The following PER2 variants were observed in gnomAD, a reference collection of about 807,000 sequenced individuals.
PER2 encodes period circadian protein homolog 2.
In PER2, 66 loss-of-function variants were observed where a neutral mutation model predicts 121.0. That is an observed-to-expected ratio of 0.55 (90% confidence interval 0.45 to 0.67). PER2 has a LOEUF of 0.67. Ranked by LOEUF, PER2 falls within the 30% of genes least tolerant of loss-of-function variation. The probability of loss-of-function intolerance (pLI) is 0.00; values close to 1 mark genes in which losing one functional copy is unlikely to be tolerated. For missense variants in PER2, 1,521 were observed against 1,635.0 expected (o/e 0.93, Z 1.20); for synonymous variants, 684 against 659.9 (o/e 1.04, Z -0.56).
Position 238,261,771 on chromosome 2 carries a change from G to GC in PER2, c.1373dup (p.Ser458ArgfsTer50). 1 of 1,576,436 alleles carries GC rather than the reference G, an allele frequency of 6.3e-7. No individual in the cohort carries two copies. Among genetic ancestry groups the GC allele is most frequent in the South Asian group, 1.2e-5 (1 of 86,072 alleles). ...GGATCTGCTCTGTGAGCTCCTGAAT[G>GC]CTGGGGTGCAGGGCCTTCTCCTCTG... On this transcript the variant is annotated frameshift_variant, in exon 12 of 23. Coordinates refer to ENST00000254657, the MANE Select transcript of PER2 (RefSeq NM_022817.3). LOFTEE classifies it high-confidence loss of function.
chr2:238,250,249 T>C (rs1695561434), intron 21 of PER2, among the ~76,000 whole-genome samples: 2 of 152,236 alleles, frequency 1.3e-5, no homozygotes, highest in Admixed American at 6.5e-5. Context: ...CTGGCACCAA[T>C]GCTTTGTGAA....
rs200042261 is a variant in PER2 at position 238,262,127 on chromosome 2, G to C, written c.1307+64C>G. 3,254 of 1,480,294 alleles carry C rather than the reference G, an allele frequency of 2.2e-3. 9 individuals are homozygous for C. Among genetic ancestry groups the C allele is most frequent in the Non-Finnish European group, 2.9e-3 (3,069 of 1,059,866 alleles). The allele number at this position is 1,480,294 out of a possible 1,614,324, so 91.7% of individuals were successfully genotyped here. On this transcript the variant is annotated intron_variant, in intron 11 of 22. Coordinates refer to ENST00000254657, the MANE Select transcript of PER2 (RefSeq NM_022817.3). ...TCCCTATGCCATCTGTTGCTGGGAGGTGAGGACAGCCCGAGACCCCCGCCC... is the reference window on the plus strand; with the variant it reads ...TCCCTATGCCATCTGTTGCTGGGAGCTGAGGACAGCCCGAGACCCCCGCCC...
upstream of PER2, among the ~76,000 whole-genome samples, chr2:238,288,867 C>T (rs1696878839): frequency 1.3e-5 from 2 of 152,220 alleles, no homozygotes. Context: ...GTCTCATCTG[C>T]ATACATGAGG....
rs2106360489 is a variant in PER2 at position 238,246,471 on chromosome 2, C to T, written c.3672G>A (p.Glu1224=). ...KEKGNICIPY[E]EDIPSLGLSE... ...TGAGTCCCAGAGAAGGAATATCTTCCTCATATGGTATGCAAATATTACCTT... is the reference window on the plus strand; with the variant it reads ...TGAGTCCCAGAGAAGGAATATCTTCTTCATATGGTATGCAAATATTACCTT... The change falls in exon 23 of 23, where the codon GAG becomes GAA. Residue 1224 remains glutamate (E), a synonymous_variant. Coordinates refer to ENST00000254657, the MANE Select transcript of PER2 (RefSeq NM_022817.3). The T allele has an allele frequency of 1.9e-6, 3 of 1,594,248 alleles. No individual in the cohort carries two copies. In the South Asian group the frequency reaches 3.3e-5, roughly 18 times the overall value.
At position 238,258,586 on chromosome 2, in the gene PER2, G is replaced by A; in HGVS notation, c.1686C>T (p.Ser562=). The A allele has an allele frequency of 6.2e-7, 1 of 1,614,156 alleles. No individual in the cohort carries two copies. Among genetic ancestry groups the A allele is most frequent in the Non-Finnish European group, 8.5e-7 (1 of 1,179,970 alleles). Reference sequence around the variant, plus strand: ...ACTCCTCGGGGAAGCTGACCCCCAGGCTGTCCTTTTCCATGGCAGGGACAG... The same window carrying A: ...ACTCCTCGGGGAAGCTGACCCCCAGACTGTCCTTTTCCATGGCAGGGACAG... The part of the protein sequence containing the change: ...KKAVPAMEKD[S]LGVSFPEELA... The change falls in exon 15 of 23, where the codon AGC becomes AGT. Residue 562 remains serine (S), a synonymous_variant. Coordinates refer to ENST00000254657, the MANE Select transcript of PER2 (RefSeq NM_022817.3).
intron 18 of PER2, chr2:238,255,434 C>T: frequency 3.2e-6 from 2 of 618,522 alleles, no homozygotes; most frequent in Admixed American, 2.5e-5. Context: ...CGGGCACTAG[C>T]CTGGGACTAT....
chr2:238,268,368 T>A lies in PER2; in HGVS notation c.825-170A>T, dbSNP rs1052570657. On this transcript the variant is annotated intron_variant, in intron 7 of 22. Coordinates refer to ENST00000254657, the MANE Select transcript of PER2 (RefSeq NM_022817.3). This position sits in a 1 kb window ranked among gnomAD's most constrained non-coding sequence, Gnocchi z 4.0. Reference sequence around the variant, plus strand: ...CTCTTCGGTCCCTCCCTCAGTCCCATCATACTGAAGGGCAAATCAGAGTTA... The same window carrying A: ...CTCTTCGGTCCCTCCCTCAGTCCCAACATACTGAAGGGCAAATCAGAGTTA... 1.3e-5 allele frequency among the ~76,000 whole-genome samples: 2 copies of A among 152,098 alleles called. No homozygotes were observed. Among genetic ancestry groups the A allele is most frequent in the Admixed American group, 6.5e-5 (1 of 15,292 alleles).
At position 238,260,089 on chromosome 2, in the gene PER2, T is replaced by C. The variant is rs146454363; in HGVS notation, c.1543-36A>G. The C allele has an allele frequency of 2.8e-3, 2,462 of 893,906 alleles. 3 individuals are homozygous for C. Among genetic ancestry groups the C allele is most frequent in the Middle Eastern group, 0.01 (45 of 4,316 alleles). The allele number at this position is 893,906 out of a possible 1,614,324, so 55.4% of individuals were successfully genotyped here. A position where few individuals can be genotyped will look rare whatever the true frequency, so the allele number is the denominator to read the frequency against. On this transcript the variant is annotated intron_variant, in intron 13 of 22. Transcript: ENST00000254657. ...AACAAAATGAACACATTATTCATTC[T>C]AGGAGACCTCCTTCAGTCTGTCCGG...
chr2:238,257,293 T>C (rs1240549625), intron 16 of PER2, among the ~76,000 whole-genome samples: 1 of 152,216 alleles, frequency 6.6e-6, no homozygotes, highest in Non-Finnish European at 1.5e-5. Flanking sequence ...GAGAAAGTTC[T>C]GAAATGGGAG....
chr2:238,246,529 A>C lies in PER2; in HGVS notation c.3619-5T>G. 1.3e-6 allele frequency: 2 copies of C among 1,539,192 alleles called. No homozygotes were observed. The highest frequency in any genetic ancestry group is 1.8e-6 in the Non-Finnish European group (2 of 1,112,830). On this transcript the variant is annotated splice_region_variant and splice_polypyrimidine_tract_variant and intron_variant, in intron 22 of 22. Coordinates refer to ENST00000254657, the MANE Select transcript of PER2 (RefSeq NM_022817.3). Reference sequence around the variant, plus strand: ...GTTTTCACAGTAAACACATTCCTTAAAAGAAAAAAAAAGAGAAATCAGTAA... The same window carrying C: ...GTTTTCACAGTAAACACATTCCTTACAAGAAAAAAAAAGAGAAATCAGTAA...
At chr2:238,260,685 G>C (rs1331514396) in intron 13 of PER2, 143 bp downstream of exon 13, 1 of 889,702 alleles carries the variant, frequency 1.1e-6, no homozygotes, top group South Asian at 1.5e-5. Context: ...AAAGTCCCAA[G>C]TGGACAAAGT....
rs1696480961 is a variant in PER2 at position 238,277,168 on chromosome 2, C to T, written c.256G>A (p.Ala86Thr). 2 of 1,613,008 alleles carry T rather than the reference C, an allele frequency of 1.2e-6. No homozygotes were observed. The highest frequency in any genetic ancestry group is 1.3e-5 in the African/African-American group (1 of 75,008). The change falls in exon 3 of 23, where the codon GCA becomes ACA. Residue 86 changes from alanine (A) to threonine (T), a missense_variant. Coordinates refer to ENST00000254657, the MANE Select transcript of PER2 (RefSeq NM_022817.3). The stretch of plus-strand genomic sequence containing the variant: ...GTAGATGGGTTGTGTTCAGATTTTG[C>T]CATCATCAGGCTAAAGGTATCTGGA... ...QSPDTFSLMMAKSEHNPSTSG... is the reference protein window; with the variant it reads ...QSPDTFSLMMTKSEHNPSTSG...
intron 5 of PER2, among the ~76,000 whole-genome samples, chr2:238,271,989 T>C (rs977275694): frequency 6.6e-6 from 1 of 152,072 alleles, no homozygotes; most frequent in Non-Finnish European, 1.5e-5. Flanking sequence ...ATAAGCCCCC[T>C]CACCCTAAAA....
intron 21 of PER2, among the ~76,000 whole-genome samples, chr2:238,249,502 G>A (rs1695541760): frequency 1.3e-5 from 2 of 152,222 alleles, no homozygotes; most frequent in Non-Finnish European, 1.5e-5. Flanking sequence ...ACACAGGCAT[G>A]GTTCATCTGG....
At chr2:238,291,226 C>T (rs1042526550), upstream of PER2, among the ~76,000 whole-genome samples, 1 of 152,216 alleles carries the variant, frequency 6.6e-6, no homozygotes, top group African/African-American at 2.4e-5. Context: ...GCTGGCCTCC[C>T]AGCTAAAGGC....
rs1406497762 is a variant in PER2 at position 238,245,665 on chromosome 2, G to C, written c.*710C>G. The C allele has an allele frequency of 7.5e-6, 3 of 398,560 alleles. No homozygotes were observed. Among genetic ancestry groups the C allele is most frequent in the Non-Finnish European group, 1.3e-5 (3 of 226,092 alleles). The allele number at this position is 398,560 out of a possible 1,614,324, so 24.7% of individuals were successfully genotyped here. A position where few individuals can be genotyped will look rare whatever the true frequency, so the allele number is the denominator to read the frequency against. On this transcript the variant is annotated 3_prime_UTR_variant, in exon 23 of 23. Transcript: ENST00000254657. ...TAATGCAGAAATATACAGAGGGTCT[G>C]TCTGCGTGTGCATTCATCCGATGGA...
At chr2:238,281,711 T>G (rs1696633759) in intron 1 of PER2, among the ~76,000 whole-genome samples, 1 of 152,158 alleles carries the variant, frequency 6.6e-6, no homozygotes, top group South Asian at 2.1e-4. Flanking sequence ...TGCCAAAAAT[T>G]AACAGGACTG....
chr2:238,297,003 A>T, the PER2 span, among the ~76,000 whole-genome samples: 1 of 152,136 alleles, frequency 6.6e-6, no homozygotes, highest in Non-Finnish European at 1.5e-5. Flanking sequence ...GCCGGGCTGG[A>T]GCAGTTTTTC....
the PER2 span, chr2:238,295,863 GA>G: frequency 5.0e-6 from 1 of 200,344 alleles, no homozygotes; most frequent in South Asian, 6.8e-5. Context: ...GTGCACAGAG[GA>G]AAAACGGGCT....
Sources: gnomAD v4.1 joint callset for allele counts (sites outside exome capture counted in the v4.1 genomes callset) on GRCh38, gnomAD v4.1.1 for gene constraint, Gnocchi (gnomAD v3.1) non-coding constraint, MANE v1.5 for transcripts, NCBI Gene and HGNC (gene_info 2026-07-23, HGNC 2026-07-21) for gene names.